Variants in ANKRD28 observed in about 807,000 individuals in gnomAD.
ANKRD28 encodes serine/threonine-protein phosphatase 6 regulatory ankyrin repeat subunit A.
Under a neutral mutation model 126.5 loss-of-function variants are expected in ANKRD28, and 44 were observed. The observed-to-expected ratio is 0.35, with a 90% CI of 0.27 to 0.45. ANKRD28 has a LOEUF of 0.45. Among genes scored for constraint, ANKRD28 ranks in the 20% least tolerant of loss-of-function variants. The pLI is 1.00. For missense variants in ANKRD28, 1,110 were observed against 1,316.6 expected, an observed-to-expected ratio of 0.84 and a Z score of 2.43; for synonymous variants, 442 against 468.5, an observed-to-expected ratio of 0.94 and a Z score of 0.73.
intron 1 of ANKRD28, among the ~76,000 whole-genome samples, chr3:15,836,036 A>G (rs2061319675): frequency 6.6e-6 from 1 of 152,240 alleles, no homozygotes; most frequent in Non-Finnish European, 1.5e-5. Flanking sequence ...AAACATATGA[A>G]AATGAAGCAC....
At chr3:15,739,753 C>A (rs929079576) in intron 4 of ANKRD28, among the ~76,000 whole-genome samples, 1 of 152,198 alleles carries the variant, frequency 6.6e-6, no homozygotes, top group Non-Finnish European at 1.5e-5. Context: ...CATTTTAGGC[C>A]TCTGAAATAA....
At chr3:15,677,773 G>A (rs1395927877) in intron 24 of ANKRD28, among the ~76,000 whole-genome samples, 1 of 151,976 alleles carries the variant, frequency 6.6e-6, no homozygotes, top group Non-Finnish European at 1.5e-5. Context: ...CTCTAACAAT[G>A]GCAATTAACA....
chr3:15,670,486 G>A lies in ANKRD28; in HGVS notation c.3036C>T (p.Thr1012=). 4 of 1,613,962 alleles carry A rather than the reference G, an allele frequency of 2.5e-6. No homozygotes were observed. Among genetic ancestry groups the A allele is most frequent in the Non-Finnish European group, 3.4e-6 (4 of 1,179,854 alleles). Residue 1012 remains threonine, a synonymous_variant, in exon 28 of 28, where the codon ACC becomes ACT. Coordinates refer to ENST00000683139, the MANE Select transcript of ANKRD28 (RefSeq NM_001349278.2). ...VADCLALILA[T]MMPVSSSSPL... ...GACTACTTGATGAGACAGGCATCAT[G>A]GTGGCCAAAATGAGAGCCAGGCAAT...
Position 15,848,979 on chromosome 3 carries a change from G to C in ANKRD28, c.27+10398C>G, listed in dbSNP as rs1459762399. Among the ~76,000 whole-genome samples the C allele has an allele frequency of 2.6e-5, 4 of 152,076 alleles. No individual in the cohort carries two copies. The East Asian group carries it at 7.7e-4, about 29-fold the overall frequency. ...AAAAAGTATTAGTGCTAATAAGAAA[G>C]TTCAACAAAGTTGTAGGATTCAAAA... On this transcript the variant is annotated intron_variant, in intron 1 of 27. Coordinates refer to the ANKRD28 transcript ENST00000399451.
chr3:15,798,486 T>C (rs182845904), upstream of ANKRD28, among the ~76,000 whole-genome samples: 40 of 152,284 alleles, frequency 2.6e-4, no homozygotes, highest in East Asian at 6.0e-3. Flanking sequence ...TAATCAATCA[T>C]TGATTCATAT....
intron 17 of ANKRD28, among the ~76,000 whole-genome samples, chr3:15,692,398 C>T (rs761178636): frequency 4.5e-4 from 69 of 151,808 alleles, no homozygotes; most frequent in Non-Finnish European, 9.3e-4. Flanking sequence ...TGTAGTGAGC[C>T]GTGATTGTGC....
intron 21 of ANKRD28, among the ~76,000 whole-genome samples, chr3:15,682,021 C>T (rs973974478): frequency 1.3e-5 from 2 of 151,878 alleles, no homozygotes; most frequent in Non-Finnish European, 2.9e-5. Context: ...ACTTAAGAGC[C>T]CCTCATTCTC....
At chr3:15,723,392 G>A (rs2073924133) in intron 7 of ANKRD28, among the ~76,000 whole-genome samples, 2 of 152,238 alleles carry the variant, frequency 1.3e-5, no homozygotes, top group South Asian at 4.2e-4. Flanking sequence ...AGATCCTTAT[G>A]CTACATCTTC....
intron 2 of ANKRD28, among the ~76,000 whole-genome samples, chr3:15,780,434 TGAG>T (rs1289519391): frequency 6.6e-6 from 1 of 151,894 alleles, no homozygotes; most frequent in Non-Finnish European, 1.5e-5. Context: ...CACAAATAAA[TGAG>T]AAGATATACT....
chr3:15,703,705 T>C (rs1005988066), intron 14 of ANKRD28, among the ~76,000 whole-genome samples: 1 of 152,212 alleles, frequency 6.6e-6, no homozygotes, highest in African/African-American at 2.4e-5. Flanking sequence ...AGAATTGTTA[T>C]TGCGAAGTTA....
upstream of ANKRD28, chr3:15,798,115 G>A: frequency 1.0e-6 from 1 of 985,366 alleles, no homozygotes. Context: ...ACTGAAAAAT[G>A]AGTGCGCTTT....
At chr3:15,824,038 T>G (rs1207922994) in intron 1 of ANKRD28, among the ~76,000 whole-genome samples, 1 of 152,196 alleles carries the variant, frequency 6.6e-6, no homozygotes, top group Non-Finnish European at 1.5e-5. Flanking sequence ...TATTCAACAC[T>G]GTTCTACAAG....
chr3:15,732,859 G>A (rs1432197488), intron 6 of ANKRD28: 1 of 152,294 alleles, frequency 6.6e-6, no homozygotes, highest in Non-Finnish European at 1.5e-5. Context: ...AGAAAAAGGA[G>A]ATGGCTGCTT....
At chr3:15,670,651 AT>A in intron 27 of ANKRD28, 95 bp from the exon 28 acceptor site, 1 of 1,215,608 alleles carries the variant, frequency 8.2e-7, no homozygotes, top group Non-Finnish European at 1.1e-6. Context: ...CTTTAGACAT[AT>A]TTTACATTAC....
At chr3:15,741,885 C>T (rs558340508) in intron 4 of ANKRD28, among the ~76,000 whole-genome samples, 295 of 151,978 alleles carry the variant, frequency 1.9e-3, no homozygotes, top group African/African-American at 6.4e-3. Flanking sequence ...TGCAGGCGCG[C>T]GCCACCACGC....
intron 1 of ANKRD28, among the ~76,000 whole-genome samples, chr3:15,834,717 C>T (rs1418656123): frequency 6.6e-6 from 1 of 152,138 alleles, no homozygotes; most frequent in African/African-American, 2.4e-5. Context: ...AAATTTTCTG[C>T]TCTTCAGTTT....
intron 1 of ANKRD28, among the ~76,000 whole-genome samples, chr3:15,805,354 T>C (rs1397436727): frequency 6.6e-6 from 1 of 152,152 alleles, no homozygotes. Context: ...TGAGAAGCAG[T>C]TTGAAATTAA....
intron 1 of ANKRD28, among the ~76,000 whole-genome samples, chr3:15,850,200 A>ATAT (rs1208827136): frequency 0.016 from 779 of 47,334 alleles, 50 homozygotes; most frequent in East Asian, 0.13. Context: ...TAAAAAAAAA[A>ATAT]AAAAATATAT....
intron 1 of ANKRD28, among the ~76,000 whole-genome samples, chr3:15,840,761 A>G (rs2061410298): frequency 6.6e-6 from 1 of 152,236 alleles, no homozygotes; most frequent in Non-Finnish European, 1.5e-5. Flanking sequence ...CTCATTTTTG[A>G]CAAATGTGCC....
Sources: allele counts gnomAD v4.1 joint callset (sites outside exome capture counted in the v4.1 genomes callset), GRCh38; gene constraint gnomAD v4.1.1; transcripts MANE v1.5; gene names NCBI Gene and HGNC (gene_info 2026-07-23, HGNC 2026-07-21).